DZANK1: variants seen among roughly 807,000 people sequenced by gnomAD.
DZANK1 encodes the protein double zinc ribbon and ankyrin repeat domains 1, also known as double zinc ribbon and ankyrin repeat-containing protein 1.
Under a neutral mutation model 94.5 loss-of-function variants are expected in DZANK1, and 91 were observed. That is an observed-to-expected ratio of 0.96 (90% CI 0.81 to 1.15). The LOEUF is 1.15. Among genes scored for constraint, DZANK1 ranks in the 50% most tolerant of loss-of-function variants. The pLI, the probability that DZANK1 is intolerant of heterozygous loss-of-function variation, is 0.00. For synonymous variants in DZANK1, 312 were observed against 325.3 expected (o/e 0.96, Z 0.44); for missense variants, 903 against 916.4 (o/e 0.99, Z 0.19).
At chr20:18,412,785 T>G in exon 13 of DZANK1, 5 of 1,613,972 alleles carry the variant, frequency 3.1e-6, no homozygotes, top group Non-Finnish European at 4.2e-6. Flanking sequence ...TCTGTGTTCC[T>G]ATGTCCCTCT....
intron 16 of DZANK1, 100 bp from the exon 17 acceptor site, chr20:18,393,911 A>C: frequency 1.2e-6 from 1 of 807,056 alleles, no homozygotes; most frequent in Non-Finnish European, 2.0e-6. Flanking sequence ...TCAGAGGATA[A>C]AATGGCTATC....
chr20:18,419,160 G>A (rs911176524), intron 10 of DZANK1, among the ~76,000 whole-genome samples: 1 of 151,934 alleles, frequency 6.6e-6, no homozygotes, highest in African/African-American at 2.4e-5. Context: ...TACTCGGGAG[G>A]GTGAGGCAGG....
At chr20:18,457,612 C>T (rs915896432) in intron 3 of DZANK1, among the ~76,000 whole-genome samples, 1 of 152,218 alleles carries the variant, frequency 6.6e-6, no homozygotes, top group Non-Finnish European at 1.5e-5. Context: ...CTTGGTTACT[C>T]CATCATTTCT....
chr20:18,412,743 C>T, exon 13 of DZANK1: 1 of 1,613,750 alleles, frequency 6.2e-7, no homozygotes. Context: ...TTTTTGCTAG[C>T]AGCTTGCCAG....
At chr20:18,448,186 T>C (rs1276767220) in intron 7 of DZANK1, among the ~76,000 whole-genome samples, 4 of 152,186 alleles carry the variant, frequency 2.6e-5, no homozygotes, top group Non-Finnish European at 5.9e-5. Context: ...ATCCATACAA[T>C]GGACTGTAGT....
intron 8 of DZANK1, among the ~76,000 whole-genome samples, chr20:18,438,035 G>C (rs1205575588): frequency 6.6e-6 from 1 of 151,682 alleles, no homozygotes; most frequent in Non-Finnish European, 1.5e-5. Flanking sequence ...TGGCTAACAT[G>C]GTGAAACCCC....
intron 10 of DZANK1, among the ~76,000 whole-genome samples, chr20:18,424,840 T>C (rs548206438): frequency 6.6e-6 from 1 of 152,042 alleles, no homozygotes; most frequent in Non-Finnish European, 1.5e-5. Context: ...AGATCCATAC[T>C]GAGGAATAGT....
intron 10 of DZANK1, among the ~76,000 whole-genome samples, chr20:18,419,553 A>G (rs2057672027): frequency 6.6e-6 from 1 of 152,170 alleles, no homozygotes; most frequent in Admixed American, 6.5e-5. Context: ...AAAATGACAC[A>G]TCCCGTACAT....
intron 7 of DZANK1, 44 bp downstream of exon 7, chr20:18,448,940 T>C (rs772811387): frequency 1.4e-6 from 2 of 1,481,184 alleles, no homozygotes; most frequent in South Asian, 2.3e-5. Context: ...CCATGATGTA[T>C]CTTTGTAGGA....
At chr20:18,456,948 T>C (rs760786396) in intron 3 of DZANK1, among the ~76,000 whole-genome samples, 3 of 152,224 alleles carry the variant, frequency 2.0e-5, no homozygotes, top group African/African-American at 4.8e-5. Context: ...TTGGGTCATA[T>C]GGCAGGTATG....
intron 6 of DZANK1, among the ~76,000 whole-genome samples, chr20:18,449,890 C>T (rs2059031821): frequency 1.3e-5 from 2 of 151,190 alleles, no homozygotes; most frequent in African/African-American, 4.9e-5. Context: ...ACCAGCCTGA[C>T]CAACATGGAG....
At position 18,433,774 on chromosome 20, in the gene DZANK1, G is replaced by A. The variant is rs370330133; in HGVS notation, c.748-9C>T. The A allele has an allele frequency of 4.3e-6, 7 of 1,611,578 alleles. No homozygotes were observed. The highest frequency in any genetic ancestry group is 5.9e-6 in the Non-Finnish European group (7 of 1,178,016). ...TCTGCACACAAGCCCATCTGCACAA[G>A]GAAAAGGTCTGGTTTATCTTGCACA... On this transcript the variant is annotated splice_polypyrimidine_tract_variant and intron_variant, in intron 8 of 20. Transcript: ENST00000262547.
In DZANK1 at chr20:18,434,885, A is replaced by C. The variant is rs555230752; in HGVS notation, c.748-1120T>G. ...GGAAGACCAGTGGTCCCCTAGTCTGAGATAATGAGCCTGTTTGGGGTAATC... is the reference window on the plus strand; with the variant it reads ...GGAAGACCAGTGGTCCCCTAGTCTGCGATAATGAGCCTGTTTGGGGTAATC... On this transcript the variant is annotated intron_variant, in intron 8 of 20. Transcript: ENST00000262547. Among the ~76,000 whole-genome samples the C allele has an allele frequency of 2.0e-5, 3 of 152,302 alleles. No individual in the cohort carries two copies. The South Asian group carries it at 6.2e-4, about 32-fold the overall frequency.
intron 15 of DZANK1, chr20:18,394,792 C>T (rs942332991): frequency 2.2e-6 from 1 of 457,426 alleles, no homozygotes; most frequent in African/African-American, 2.0e-5. Context: ...CTGGGTCTGC[C>T]ACTTACTAAC....
intron 13 of DZANK1, among the ~76,000 whole-genome samples, chr20:18,399,744 C>G (rs1189264070): frequency 1.3e-5 from 2 of 152,182 alleles, no homozygotes; most frequent in Non-Finnish European, 2.9e-5. Flanking sequence ...GCGGAAGACG[C>G]AGGGGCACTG....
intron 2 of DZANK1, among the ~76,000 whole-genome samples, chr20:18,463,510 C>A (rs2059543828): frequency 1.3e-5 from 2 of 151,720 alleles, no homozygotes. Flanking sequence ...AAAGAAAAAA[C>A]AAAAAAAAGG....
exon 21 of DZANK1, chr20:18,384,368 T>C: frequency 6.3e-7 from 1 of 1,585,632 alleles, no homozygotes; most frequent in Non-Finnish European, 8.6e-7. Flanking sequence ...ATGCACGTAT[T>C]CTTAAATGAA....
At chr20:18,383,474 C>A (rs760842746) in exon 21 of DZANK1, 1 of 152,076 alleles carries the variant, frequency 6.6e-6, no homozygotes, top group Non-Finnish European at 1.5e-5. Context: ...TAAATAAGGT[C>A]AATCTTTACA....
chr20:18,415,677 T>C (rs1389782536), intron 10 of DZANK1, among the ~76,000 whole-genome samples: 1 of 152,200 alleles, frequency 6.6e-6, no homozygotes, highest in East Asian at 1.9e-4. Flanking sequence ...TAACAGAAAG[T>C]CAATGAAACT....
Sources: gnomAD v4.1 joint callset for allele counts (sites outside exome capture counted in the v4.1 genomes callset) on GRCh38, gnomAD v4.1.1 for gene constraint, MANE v1.5 for transcripts, NCBI Gene and HGNC (gene_info 2026-07-23, HGNC 2026-07-21) for gene names.